The following PALM2AKAP2 variants were observed in gnomAD, a reference collection of about 807,000 sequenced individuals.
PALM2AKAP2 encodes PALM2-AKAP2 fusion protein.
Under a neutral mutation model 71.5 loss-of-function variants are expected in PALM2AKAP2, and 37 were observed. The ratio of observed to expected loss-of-function variants is 0.52; its 90% confidence interval spans 0.40 to 0.68. PALM2AKAP2 has a LOEUF of 0.68. Ranked by LOEUF, PALM2AKAP2 falls within the 30% of genes least tolerant of loss-of-function variation. The pLI is 0.00. For missense variants in PALM2AKAP2, 1,224 were observed against 1,191.8 expected (o/e 1.03, Z -0.40); for synonymous variants, 468 against 478.8 (o/e 0.98, Z 0.29).
chr9:110,097,656 A>G (rs1356010661), intron 1 of PALM2AKAP2, among the ~76,000 whole-genome samples: 1 of 146,576 alleles, frequency 6.8e-6, no homozygotes, highest in Non-Finnish European at 1.5e-5. Context: ...GGCTGGGCAG[A>G]GATGCTCCTC....
intron 6 of PALM2AKAP2, among the ~76,000 whole-genome samples, chr9:110,009,568 G>A (rs1338674635): frequency 2.6e-5 from 4 of 151,952 alleles, no homozygotes; most frequent in African/African-American, 9.7e-5. Flanking sequence ...CAAAAAATTA[G>A]CTGGGCGTGG....
intron 1 of PALM2AKAP2, among the ~76,000 whole-genome samples, chr9:109,672,405 T>G (rs1220092831): frequency 6.6e-6 from 1 of 152,230 alleles, no homozygotes; most frequent in Non-Finnish European, 1.5e-5. Context: ...GAATCACATT[T>G]ATTAATTTGC....
chr9:110,071,427 A>G (rs1352689822), intron 1 of PALM2AKAP2, among the ~76,000 whole-genome samples: 1 of 152,180 alleles, frequency 6.6e-6, no homozygotes, highest in Non-Finnish European at 1.5e-5. Flanking sequence ...ATTGGTAAAG[A>G]TCTTCTCTGA....
chr9:109,643,711 C>G (rs1008718250), intron 1 of PALM2AKAP2, among the ~76,000 whole-genome samples: 1 of 152,222 alleles, frequency 6.6e-6, no homozygotes, highest in Non-Finnish European at 1.5e-5. Flanking sequence ...CCAAAGTTCT[C>G]ACTTCCTGGT....
chr9:109,802,414 G>A (rs1827457313), intron 1 of PALM2AKAP2, among the ~76,000 whole-genome samples: 1 of 152,162 alleles, frequency 6.6e-6, no homozygotes, highest in Non-Finnish European at 1.5e-5. Context: ...GCCAGCAGTG[G>A]GTTGTCATAC....
intron 1 of PALM2AKAP2, among the ~76,000 whole-genome samples, chr9:110,122,758 A>G (rs1443519038): frequency 1.3e-5 from 2 of 152,204 alleles, no homozygotes; most frequent in African/African-American, 4.8e-5. Flanking sequence ...CCCCAGGGCA[A>G]GGCACCCTCA....
chr9:109,797,771 C>G (rs898400723), intron 1 of PALM2AKAP2, among the ~76,000 whole-genome samples: 3 of 152,174 alleles, frequency 2.0e-5, no homozygotes, highest in African/African-American at 7.2e-5. Context: ...AGTTTAGTTC[C>G]CTTTGAGCAT....
rs1343755993 is a variant in PALM2AKAP2, at chr9:110,014,847, T to C, written c.497-1107T>C. ...ATATATATATATATATATATATATA[T>C]ATATACACACACACACATATATCTT... On this transcript the variant is annotated intron_variant, in intron 6 of 9. Coordinates refer to the PALM2AKAP2 transcript ENST00000302798. Among the ~76,000 whole-genome samples, 57 of 97,724 alleles carry C rather than the reference T, an allele frequency of 5.8e-4. 3 individuals are homozygous for C. The highest frequency in any genetic ancestry group is 2.2e-3 in the African/African-American group (54 of 24,592). 64.1% of individuals were successfully genotyped at this position (97,724 alleles called of 152,430 possible).
Position 109,715,602 on chromosome 9 carries a change from G to A in PALM2AKAP2, c.6-64886G>A, listed in dbSNP as rs115251924. Among the ~76,000 whole-genome samples the A allele has an allele frequency of 4.9e-3, 750 of 152,250 alleles. 9 individuals are homozygous for A. The highest frequency in any genetic ancestry group is 0.017 in the African/African-American group (693 of 41,548). On this transcript the variant is annotated intron_variant, in intron 1 of 6. Transcript: ENST00000374531. ...CCAGCCCAGCCCCTGCCTTATGTGC[G>A]TGTCGTGTTTTGTCTTCTGAAATGC... is the stretch of plus-strand genomic sequence containing the variant.
intron 6 of PALM2AKAP2, among the ~76,000 whole-genome samples, chr9:109,937,984 G>C (rs1326204409): frequency 1.3e-5 from 2 of 152,224 alleles, no homozygotes; most frequent in Non-Finnish European, 2.9e-5. Flanking sequence ...GACAGGGCAG[G>C]TTAGAGAGTA....
In PALM2AKAP2 at chr9:110,115,027, G is replaced by A. The variant is rs190784326; in HGVS notation, c.157-21100G>A. On this transcript the variant is annotated intron_variant, in intron 1 of 3. Coordinates refer to ENST00000374525, the Ensembl canonical transcript of PALM2AKAP2. ...ATCCCTGCTGGCTTATGCTTATCAT[G>A]CATCCCAGTGGTGAATGGAGAAATT... Among the ~76,000 whole-genome samples, 409 of 146,598 alleles carry A rather than the reference G, an allele frequency of 2.8e-3. 4 individuals carry two copies. The highest frequency in any genetic ancestry group is 0.011 in the African/African-American group (387 of 36,232).
chr9:110,000,995 T>C (rs935026488), intron 6 of PALM2AKAP2, among the ~76,000 whole-genome samples: 2 of 152,248 alleles, frequency 1.3e-5, no homozygotes, highest in African/African-American at 2.4e-5. Context: ...TTTCTTTTGC[T>C]GTGCAGAAGC....
At chr9:109,923,600 T>C in intron 3 of PALM2AKAP2, 135 bp from the exon 4 acceptor site, 1 of 877,680 alleles carries the variant, frequency 1.1e-6, no homozygotes, top group Non-Finnish European at 1.7e-6. Flanking sequence ...TGTAAAACCT[T>C]GGCCTGGCTC....
chr9:109,986,598 A>G (rs921932793), intron 6 of PALM2AKAP2, among the ~76,000 whole-genome samples: 72 of 152,210 alleles, frequency 4.7e-4, no homozygotes, highest in African/African-American at 1.6e-3. Context: ...GTTTGTGCCA[A>G]TTAAAACAAG....
At chr9:109,725,012 ATCAT>A (rs1828455901) in intron 1 of PALM2AKAP2, among the ~76,000 whole-genome samples, 1 of 152,230 alleles carries the variant, frequency 6.6e-6, no homozygotes, top group South Asian at 2.1e-4. Context: ...AAAGTAAACA[ATCAT>A]TATGAACAAG....
chr9:109,714,748 G>T (rs1587878847), intron 1 of PALM2AKAP2, among the ~76,000 whole-genome samples: 1 of 152,268 alleles, frequency 6.6e-6, no homozygotes, highest in East Asian at 1.9e-4. Context: ...GCACTCTCAG[G>T]TGAGCCCCTC....
intron 1 of PALM2AKAP2, among the ~76,000 whole-genome samples, chr9:109,678,165 G>A (rs914874157): frequency 6.6e-6 from 1 of 152,114 alleles, no homozygotes; most frequent in African/African-American, 2.4e-5. Context: ...TGGATGTTCT[G>A]CATTTCCACA....
chr9:109,863,024 A>C, intron 1 of PALM2AKAP2: 1 of 463,884 alleles, frequency 2.2e-6, no homozygotes, highest in Non-Finnish European at 4.3e-6. Context: ...CACTGTAGGC[A>C]ATGGGGAGAC....
chr9:109,733,845 A>C (rs1828591066), intron 1 of PALM2AKAP2, among the ~76,000 whole-genome samples: 1 of 152,204 alleles, frequency 6.6e-6, no homozygotes, highest in Admixed American at 6.5e-5. Flanking sequence ...ATGTTGCAAT[A>C]GCAGGAAATA....
Sources: allele counts gnomAD v4.1 joint callset (sites outside exome capture counted in the v4.1 genomes callset), GRCh38; gene constraint gnomAD v4.1.1; transcripts MANE v1.5; gene names NCBI Gene and HGNC (gene_info 2026-07-23, HGNC 2026-07-21).